TNFRSF11A: variants seen among roughly 807,000 people sequenced by gnomAD.
TNFRSF11A encodes TNF receptor superfamily member 11a.
TNFRSF11A carries 32 observed loss-of-function variants against 55.7 expected under a neutral mutation model. The observed-to-expected ratio is 0.57, with a 90% CI of 0.43 to 0.77. The LOEUF is 0.77. Among genes scored for constraint, TNFRSF11A ranks in the 30% least tolerant of loss-of-function variants. The pLI, the probability that TNFRSF11A is intolerant of heterozygous loss-of-function variation, is 0.00. For synonymous variants in TNFRSF11A, 311 were observed against 331.0 expected, an observed-to-expected ratio of 0.94 and a Z score of 0.65; for missense variants, 753 against 809.8, an observed-to-expected ratio of 0.93 and a Z score of 0.85.
At position 62,380,478 on chromosome 18, in the gene TNFRSF11A, C is replaced by T. The variant is rs538060673; in HGVS notation, c.1568-4273C>T. On this transcript the variant is annotated intron_variant, in intron 9 of 9. Transcript: ENST00000586569. Reference sequence around the variant, plus strand: ...TTTTGAGAGAGTCTCACTCTGTCGCCCAGGCTGGAGTGCAGTGGCATGATC... The same window carrying T: ...TTTTGAGAGAGTCTCACTCTGTCGCTCAGGCTGGAGTGCAGTGGCATGATC... 3.3e-5 allele frequency among the ~76,000 whole-genome samples: 5 copies of T among 150,278 alleles called. No individual in the cohort carries two copies. In the East Asian group the frequency reaches 7.8e-4, roughly 23 times the overall value.
rs1184609036 is a variant in TNFRSF11A, at chr18:62,369,297, C to T, written c.1380C>T (p.Leu460=). The T allele has an allele frequency of 2.5e-6, 4 of 1,611,406 alleles. No individual in the cohort carries two copies. The highest frequency in any genetic ancestry group is 3.4e-6 in the Non-Finnish European group (4 of 1,178,840). Residue 460 remains leucine, a synonymous_variant, in exon 9 of 10, where the codon CTC becomes CTT. Coordinates refer to ENST00000586569, the MANE Select transcript of TNFRSF11A (RefSeq NM_003839.4). ...RNPPGEDCEP[L]VGSPKRGPLP... The stretch of plus-strand genomic sequence containing the variant: ...CTCCTGGGGAGGACTGTGAACCCCT[C>T]GTGGGTTCCCCAAAACGTGGACCCT...
chr18:62,362,926 C>T (rs1600396736), intron 7 of TNFRSF11A, among the ~76,000 whole-genome samples: 1 of 152,146 alleles, frequency 6.6e-6, no homozygotes, highest in African/African-American at 2.4e-5. Context: ...TCACTGCAGC[C>T]TCCGCCTCCC....
intron 7 of TNFRSF11A, among the ~76,000 whole-genome samples, chr18:62,364,803 A>G (rs750006759): frequency 1.4e-4 from 21 of 152,132 alleles, no homozygotes; most frequent in Non-Finnish European, 2.5e-4. Flanking sequence ...TCACAACAGC[A>G]CCATGAGGTG....
chr18:62,353,850 C>T (rs1909029831), intron 3 of TNFRSF11A, among the ~76,000 whole-genome samples: 1 of 152,220 alleles, frequency 6.6e-6, no homozygotes, highest in African/African-American at 2.4e-5. Flanking sequence ...ACCCTGAGTG[C>T]TTGAGGAGAG....
At chr18:62,384,335 T>TC (rs1168612490) in intron 9 of TNFRSF11A, among the ~76,000 whole-genome samples, 3 of 136,104 alleles carry the variant, frequency 2.2e-5, no homozygotes, top group Non-Finnish European at 4.7e-5. Context: ...CTCCTCCTCC[T>TC]CCTCTTCCCC....
At chr18:62,380,020 C>A (rs978333036) in intron 9 of TNFRSF11A, among the ~76,000 whole-genome samples, 1 of 152,148 alleles carries the variant, frequency 6.6e-6, no homozygotes, top group Non-Finnish European at 1.5e-5. Flanking sequence ...AAGAGTTGCC[C>A]GCGCCTTCAG....
intron 9 of TNFRSF11A, among the ~76,000 whole-genome samples, chr18:62,374,897 C>G (rs767915485): frequency 4.9e-5 from 7 of 142,494 alleles, no homozygotes; most frequent in Non-Finnish European, 1.1e-4. Context: ...GTCAACTAAT[C>G]CATTCTTTTT....
At chr18:62,384,725 C>T (rs200427466) in intron 9 of TNFRSF11A, 26 bp from the exon 10 acceptor site, 23 of 1,607,824 alleles carry the variant, frequency 1.4e-5, no homozygotes, top group African/African-American at 1.2e-4. Flanking sequence ...TCACCCTCCC[C>T]GTGTTCTCCC....
At chr18:62,370,481 G>A (rs532641478) in intron 9 of TNFRSF11A, among the ~76,000 whole-genome samples, 14 of 152,304 alleles carry the variant, frequency 9.2e-5, no homozygotes, top group Admixed American at 9.2e-4. Flanking sequence ...ACTGCAAGTG[G>A]TGCTAGCAGC....
chr18:62,381,793 T>C (rs761869505), intron 9 of TNFRSF11A, among the ~76,000 whole-genome samples: 1 of 152,238 alleles, frequency 6.6e-6, no homozygotes, highest in South Asian at 2.1e-4. Flanking sequence ...GAATTTTCAT[T>C]GTATGTGCTT....
At chr18:62,338,672 A>G (rs938289164) in intron 1 of TNFRSF11A, among the ~76,000 whole-genome samples, 1 of 152,090 alleles carries the variant, frequency 6.6e-6, no homozygotes, top group African/African-American at 2.4e-5. Context: ...GGGAGGGGGA[A>G]TGGGGAGTTA....
In TNFRSF11A at chr18:62,383,025, G is replaced by A. The variant is rs1911404057; in HGVS notation, c.1568-1726G>A. 6.6e-6 allele frequency among the ~76,000 whole-genome samples: 1 copy of A among 152,144 alleles called. No individual in the cohort carries two copies. Among genetic ancestry groups the A allele is most frequent in the South Asian group, 2.1e-4 (1 of 4,824 alleles). ...TACAGTGGTGAGCAGACCCTCACTG[G>A]AGTACGCTGCATGCCTGGCAATGTG... is the stretch of plus-strand genomic sequence containing the variant. On this transcript the variant is annotated intron_variant, in intron 9 of 9. Transcript: ENST00000586569. The surrounding 1 kb of genome is among the most constrained non-coding windows in gnomAD (Gnocchi z 4.2).
At chr18:62,369,521 G>C (rs1490522703) in intron 9 of TNFRSF11A, 37 bp downstream of exon 9, 1 of 1,598,890 alleles carries the variant, frequency 6.3e-7, no homozygotes, top group South Asian at 1.1e-5. Context: ...CTGAGCAGAA[G>C]GGCCAGTTCT....
Position 62,361,783 on chromosome 18 carries a change from A to C in TNFRSF11A, c.720A>C (p.Lys240Asn). 1 of 1,613,944 alleles carries C rather than the reference A, an allele frequency of 6.2e-7. No individual in the cohort carries two copies. Among genetic ancestry groups the C allele is most frequent in the East Asian group, 2.2e-5 (1 of 44,880 alleles). ...IFGVCYRKKGKALTANLWHWI... is the reference protein window; with the variant it reads ...IFGVCYRKKGNALTANLWHWI... ...GCGTTTGCTATAGGAAAAAAGGGAA[A>C]GCACTCACAGGTATTGTGTCTATGG... Residue 240 changes from lysine to asparagine, a missense_variant, in exon 7 of 10, where the codon AAA (lysine) becomes AAC (asparagine). Lys to Asn is a moderately conservative substitution (Grantham distance 94, BLOSUM62 0). This residue lies in a region of TNFRSF11A where 567 missense variants were observed against 596.7 expected (regional missense o/e 0.95). Coordinates refer to ENST00000586569, the MANE Select transcript of TNFRSF11A (RefSeq NM_003839.4).
rs559072688 is a variant in TNFRSF11A at position 62,351,792 on chromosome 18, T to C, written c.283+1855T>C. 3.3e-5 allele frequency among the ~76,000 whole-genome samples: 5 copies of C among 152,336 alleles called. No homozygotes were observed. In the East Asian group the frequency reaches 5.8e-4, roughly 18 times the overall value. On this transcript the variant is annotated intron_variant, in intron 3 of 9. Transcript: ENST00000586569. ...TTTTAGTTTCAGTCTATTGCAGTTA[T>C]TGTTGCTGTTGTTTGTTTGTTTGTT...
chr18:62,370,363 A>T (rs1028657794), intron 9 of TNFRSF11A, among the ~76,000 whole-genome samples: 1 of 152,230 alleles, frequency 6.6e-6, no homozygotes, highest in African/African-American at 2.4e-5. Flanking sequence ...ATATGGATAT[A>T]TACTATTTAA....
At chr18:62,329,940 G>A (rs2046128084) in intron 1 of TNFRSF11A, among the ~76,000 whole-genome samples, 1 of 152,218 alleles carries the variant, frequency 6.6e-6, no homozygotes, top group Non-Finnish European at 1.5e-5. Context: ...ATTCTTTAGG[G>A]CCGTGTGATG....
At chr18:62,355,418 C>T (rs1330342217) in intron 4 of TNFRSF11A, among the ~76,000 whole-genome samples, 3 of 151,980 alleles carry the variant, frequency 2.0e-5, no homozygotes, top group East Asian at 3.9e-4. Context: ...ACTGGGATTA[C>T]CGGGATGCAC....
rs183733064 is a variant in TNFRSF11A at position 62,345,116 on chromosome 18, C to G, written c.76-3052C>G. 7.9e-4 allele frequency among the ~76,000 whole-genome samples: 121 copies of G among 152,272 alleles called. 1 individual carries two copies. Among genetic ancestry groups the G allele is most frequent in the Admixed American group, 6.2e-3 (95 of 15,302 alleles). On this transcript the variant is annotated intron_variant, in intron 1 of 9. Transcript: ENST00000586569. The stretch of plus-strand genomic sequence containing the variant: ...ACAAGCATGGGGCTGCAGTGCACAG[C>G]GCTCACCAGGCGATTTGTTGCTGGA...
Sources: gnomAD v4.1 joint callset for allele counts (sites outside exome capture counted in the v4.1 genomes callset) on GRCh38, gnomAD v4.1.1 for gene constraint, gnomAD v4.1.1 regional missense constraint, Gnocchi (gnomAD v3.1) non-coding constraint, MANE v1.5 for transcripts, NCBI Gene and HGNC (gene_info 2026-07-23, HGNC 2026-07-21) for gene names.